CDA: variants seen among roughly 807,000 people sequenced by gnomAD.
CDA encodes cytidine deaminase, also known as cytidine aminohydrolase.
Under a neutral mutation model 15.0 loss-of-function variants are expected in CDA, and 7 were observed. That is an observed-to-expected ratio of 0.47 (90% CI 0.26 to 0.87). CDA has a LOEUF of 0.87. Ranked by LOEUF, CDA falls within the 40% of genes least tolerant of loss-of-function variation. The probability of loss-of-function intolerance (pLI) is 0.15; values close to 1 mark genes in which losing one functional copy is unlikely to be tolerated. For synonymous variants in CDA, 58 were observed against 73.0 expected (o/e 0.79, Z 1.05); for missense variants, 159 against 182.7 (o/e 0.87, Z 0.75).
intron 2 of CDA, 134 bp downstream of exon 2, chr1:20,605,173 G>A (rs892795022): frequency 4.2e-6 from 3 of 713,884 alleles, no homozygotes; most frequent in Non-Finnish European, 7.6e-6. Flanking sequence ...GCACTGTACA[G>A]GGCCCTGGGA....
chr1:20,602,146 G>A (rs72650803), intron 1 of CDA, among the ~76,000 whole-genome samples: 22,229 of 120,618 alleles, frequency 0.18, 2,267 homozygotes, highest in Middle Eastern at 0.27. Context: ...GAGAGGAGGA[G>A]AAAGGAGGGG....
Position 20,618,637 on chromosome 1 carries a change from G to T in CDA, c.*69G>T, listed in dbSNP as rs2052842748. ...TTCATAAAGATGTCTCACAGCCCTGGGGACACCTGCCCAGTGGGCCCCAGC... is the reference window on the plus strand; with the variant it reads ...TTCATAAAGATGTCTCACAGCCCTGTGGACACCTGCCCAGTGGGCCCCAGC... On this transcript the variant is annotated 3_prime_UTR_variant, in exon 4 of 4. Transcript: ENST00000375071. 1 of 945,790 alleles carries T rather than the reference G, an allele frequency of 1.1e-6. No homozygotes were observed. The highest frequency in any genetic ancestry group is 2.4e-5 in the East Asian group (1 of 41,784). The allele number at this position is 945,790 out of a possible 1,614,324, so 58.6% of individuals were successfully genotyped here.
intron 2 of CDA, among the ~76,000 whole-genome samples, chr1:20,610,017 T>C (rs1172730248): frequency 1.4e-5 from 2 of 144,904 alleles, no homozygotes; most frequent in African/African-American, 2.6e-5. Flanking sequence ...CTAATCATAA[T>C]ATCATCCCTA....
At chr1:20,609,347 G>A (rs912421714) in intron 2 of CDA, among the ~76,000 whole-genome samples, 11 of 152,198 alleles carry the variant, frequency 7.2e-5, no homozygotes, top group African/African-American at 2.2e-4. Context: ...TTAACCAGGC[G>A]TGGTGGCGGG....
At chr1:20,603,271 A>T (rs1017791186) in intron 1 of CDA, among the ~76,000 whole-genome samples, 1 of 152,214 alleles carries the variant, frequency 6.6e-6, no homozygotes, top group Non-Finnish European at 1.5e-5. Flanking sequence ...AGATTCCAAG[A>T]TGCAGTGATA....
chr1:20,604,875 G>A (rs1008105748), intron 1 of CDA, 53 bp from the exon 2 acceptor site: 30 of 1,187,550 alleles, frequency 2.5e-5, no homozygotes, highest in Admixed American at 3.8e-5. Flanking sequence ...CTCAACACAC[G>A]CAACAGGAAG....
At chr1:20,613,498 C>T (rs1014210168) in intron 2 of CDA, among the ~76,000 whole-genome samples, 4 of 152,224 alleles carry the variant, frequency 2.6e-5, no homozygotes, top group Admixed American at 2.6e-4. Context: ...AGCTACCAAG[C>T]CCAGCTGCAT....
intron 1 of CDA, among the ~76,000 whole-genome samples, chr1:20,595,105 A>T (rs2052581710): frequency 6.6e-6 from 1 of 152,068 alleles, no homozygotes. Context: ...AACCCAAGGG[A>T]TGGGAGGGTT....
At chr1:20,618,248 T>C (rs2052835946) in intron 3 of CDA, among the ~76,000 whole-genome samples, 1 of 151,146 alleles carries the variant, frequency 6.6e-6, no homozygotes, top group South Asian at 2.1e-4. Flanking sequence ...TACCATGCAC[T>C]GTTCAGTTTC....
At chr1:20,591,340 C>T (rs963033643) in intron 1 of CDA, among the ~76,000 whole-genome samples, 2 of 150,872 alleles carry the variant, frequency 1.3e-5, no homozygotes, top group African/African-American at 4.9e-5. Context: ...GACTCTGTCT[C>T]AAAAACAAAC....
chr1:20,612,625 T>G (rs568119715), intron 2 of CDA, among the ~76,000 whole-genome samples: 77 of 152,280 alleles, frequency 5.1e-4, no homozygotes, highest in Non-Finnish European at 8.8e-4. Flanking sequence ...AGACTCAGCC[T>G]GCCTGCACCC....
At chr1:20,615,677 G>T (rs1474869743) in intron 3 of CDA, among the ~76,000 whole-genome samples, 1 of 151,942 alleles carries the variant, frequency 6.6e-6, no homozygotes, top group Non-Finnish European at 1.5e-5. Context: ...CACAGGCCCT[G>T]AGCTCCAGCA....
intron 3 of CDA, among the ~76,000 whole-genome samples, chr1:20,615,294 T>C (rs2052791296): frequency 1.3e-5 from 2 of 151,848 alleles, no homozygotes; most frequent in Admixed American, 6.6e-5. Flanking sequence ...AAGGACTTTT[T>C]ATAAAAGTCC....
chr1:20,595,881 A>C (rs983842533), intron 1 of CDA, among the ~76,000 whole-genome samples: 8 of 150,194 alleles, frequency 5.3e-5, no homozygotes, highest in African/African-American at 9.8e-5. Flanking sequence ...ACGGTGGCTC[A>C]TACCTGTAAT....
chr1:20,589,180 G>A lies in CDA; in HGVS notation c.51G>A (p.Gln17=), dbSNP rs142509571. ...CCCTGAAGCCTGAGTGTGTCCAGCA[G>A]CTGCTGGTTTGCTCCCAGGAGGCCA... The part of the protein sequence containing the change: ...ACTLKPECVQ[Q]LLVCSQEAKK... The change falls in exon 1 of 4, where the codon CAG becomes CAA. Residue 17 remains glutamine (Q), a synonymous_variant. Transcript: ENST00000375071. 251 of 1,614,166 alleles carry A rather than the reference G, an allele frequency of 1.6e-4. 1 individual carries two copies. In the African/African-American group the frequency reaches 3.0e-3, roughly 20 times the overall value.
intron 1 of CDA, among the ~76,000 whole-genome samples, chr1:20,595,242 C>T (rs1216491798): frequency 3.3e-5 from 5 of 152,148 alleles, no homozygotes; most frequent in African/African-American, 4.8e-5. Flanking sequence ...CTGAGAGGAA[C>T]ACACCACATT....
chr1:20,594,799 AAAAG>A (rs1305290358), intron 1 of CDA, among the ~76,000 whole-genome samples: 4 of 151,746 alleles, frequency 2.6e-5, no homozygotes, highest in African/African-American at 9.7e-5. Context: ...AAAAAAAAAA[AAAAG>A]AAAGAAAGAT....
At chr1:20,600,753 CAAAAA>C (rs5772908) in intron 1 of CDA, among the ~76,000 whole-genome samples, 1 of 121,128 alleles carries the variant, frequency 8.3e-6, no homozygotes, top group African/African-American at 3.2e-5. Context: ...GACTCTGTCT[CAAAAA>C]AAAAAAAAAA....
At chr1:20,598,336 G>A (rs1166570972) in intron 1 of CDA, among the ~76,000 whole-genome samples, 1 of 152,190 alleles carries the variant, frequency 6.6e-6, no homozygotes, top group Non-Finnish European at 1.5e-5. Flanking sequence ...AGGATGCAAT[G>A]TTCAAGGCGC....
Sources: gnomAD v4.1 joint callset for allele counts (sites outside exome capture counted in the v4.1 genomes callset) on GRCh38, gnomAD v4.1.1 for gene constraint, MANE v1.5 for transcripts, NCBI Gene and HGNC (gene_info 2026-07-23, HGNC 2026-07-21) for gene names.